Variants in PDK1 observed in about 807,000 individuals in gnomAD.
PDK1 encodes pyruvate dehydrogenase kinase 1, also known as [Pyruvate dehydrogenase (acetyl-transferring)] kinase isozyme 1, mitochondrial.
In PDK1, 39 loss-of-function variants were observed where a neutral mutation model predicts 54.2. The ratio of observed to expected loss-of-function variants is 0.72; its 90% CI spans 0.56 to 0.94. The LOEUF (loss-of-function observed/expected upper bound fraction) is 0.94. Ranked by LOEUF, PDK1 falls within the 40% of genes least tolerant of loss-of-function variation. The pLI is 0.00. For missense variants in PDK1, 552 were observed against 566.0 expected (o/e 0.98, Z 0.25); for synonymous variants, 221 against 207.1 (o/e 1.07, Z -0.58).
chr2:172,578,134 T>G (rs771146221), intron 8 of PDK1, among the ~76,000 whole-genome samples: 3 of 152,212 alleles, frequency 2.0e-5, no homozygotes, highest in Non-Finnish European at 4.4e-5. Flanking sequence ...TTCAGCACTT[T>G]GGAATATGTT....
chr2:172,627,159 T>C, the PDK1 span, among the ~76,000 whole-genome samples: 1 of 152,224 alleles, frequency 6.6e-6, no homozygotes, highest in African/African-American at 2.4e-5. Flanking sequence ...GAACATTGTC[T>C]GAAAGAATAG....
At chr2:172,647,943 A>G in the PDK1 span, among the ~76,000 whole-genome samples, 1 of 152,246 alleles carries the variant, frequency 6.6e-6, no homozygotes, top group Admixed American at 6.5e-5. Flanking sequence ...ACTTTGTAAT[A>G]TTCGTGCCAG....
chr2:172,686,400 A>G, the PDK1 span, among the ~76,000 whole-genome samples: 2 of 152,132 alleles, frequency 1.3e-5, no homozygotes, highest in Non-Finnish European at 2.9e-5. Flanking sequence ...AAATGCACCA[A>G]TCAGTGCTCT....
At chr2:172,658,374 C>T in the PDK1 span, among the ~76,000 whole-genome samples, 1 of 152,150 alleles carries the variant, frequency 6.6e-6, no homozygotes, top group Non-Finnish European at 1.5e-5. Flanking sequence ...ATCCTGTTAT[C>T]TTCGTAAGCT....
At chr2:172,593,112 A>G in intron 10 of PDK1, 64 bp downstream of exon 10, 1 of 844,332 alleles carries the variant, frequency 1.2e-6, no homozygotes, top group South Asian at 1.5e-5. Context: ...GTCCATACTT[A>G]ACTGTAATGA....
chr2:172,563,380 G>T (rs764076087), intron 3 of PDK1, among the ~76,000 whole-genome samples: 1 of 152,138 alleles, frequency 6.6e-6, no homozygotes, highest in African/African-American at 2.4e-5. Context: ...GTTTTGAAGC[G>T]CATTACTAAC....
In PDK1 at chr2:172,598,988, A is replaced by T. The variant is rs1691017959; in HGVS notation, c.*3019A>T. 1 of 152,134 alleles carries T rather than the reference A, an allele frequency of 6.6e-6. No individual in the cohort carries two copies. The highest frequency in any genetic ancestry group is 1.5e-5 in the Non-Finnish European group (1 of 68,002). 9.4% of individuals were successfully genotyped at this position (152,134 alleles called of 1,614,324 possible). A position where few individuals can be genotyped will look rare whatever the true frequency, so the allele number is the denominator to read the frequency against. On this transcript the variant is annotated 3_prime_UTR_variant, in exon 11 of 11. Transcript: ENST00000282077. ...TTAGATTTCCAATGTGTATATTCTA[A>T]TGGAGAAAGCAAGAGGTAGAGTTTG... is the stretch of plus-strand genomic sequence containing the variant.
At chr2:172,718,678 G>GGGAA in the PDK1 span, among the ~76,000 whole-genome samples, 1 of 152,132 alleles carries the variant, frequency 6.6e-6, no homozygotes, top group African/African-American at 2.4e-5. Context: ...AGGTCTCATG[G>GGGAA]GGAAGGCCCT....
At chr2:172,613,886 C>G in the PDK1 span, among the ~76,000 whole-genome samples, 1 of 152,090 alleles carries the variant, frequency 6.6e-6, no homozygotes, top group Admixed American at 6.5e-5. Context: ...GGAGCCCCGC[C>G]CTCCTGGGCT....
At chr2:172,561,200 C>CT (rs2149196863) in intron 2 of PDK1, among the ~76,000 whole-genome samples, 1 of 152,244 alleles carries the variant, frequency 6.6e-6, no homozygotes, top group Admixed American at 6.5e-5. Context: ...GAATATGCTG[C>CT]TTTTTGAAGC....
the PDK1 span, among the ~76,000 whole-genome samples, chr2:172,645,451 G>T: frequency 6.6e-6 from 1 of 151,792 alleles, no homozygotes; most frequent in African/African-American, 2.4e-5. Context: ...TAGAGACAGG[G>T]TTTCACCATT....
intron 8 of PDK1, among the ~76,000 whole-genome samples, chr2:172,575,690 T>A (rs1049068837): frequency 6.6e-6 from 1 of 151,854 alleles, no homozygotes; most frequent in Non-Finnish European, 1.5e-5. Flanking sequence ...GGCACGGTGG[T>A]GCGTGCCTGT....
chr2:172,595,393 C>T (rs771611715), intron 10 of PDK1, among the ~76,000 whole-genome samples: 14 of 152,070 alleles, frequency 9.2e-5, no homozygotes, highest in Non-Finnish European at 1.9e-4. Flanking sequence ...TTTTAAAGCA[C>T]AGTGACTATG....
chr2:172,573,476 GTA>G (rs750912369), intron 8 of PDK1, among the ~76,000 whole-genome samples: 1 of 150,336 alleles, frequency 6.7e-6, no homozygotes, highest in African/African-American at 2.4e-5. Flanking sequence ...ATGTATATGT[GTA>G]TATATATATA....
the PDK1 span, among the ~76,000 whole-genome samples, chr2:172,643,183 A>C: frequency 1.1e-4 from 16 of 152,304 alleles, 1 homozygote; most frequent in South Asian, 3.1e-3. Context: ...GTGTTACTGC[A>C]TTAGCTCTCA....
At chr2:172,568,598 T>G in intron 6 of PDK1, 143 bp from the exon 7 acceptor site, 1 of 622,594 alleles carries the variant, frequency 1.6e-6, no homozygotes, top group Non-Finnish European at 2.9e-6. Context: ...ACTAATACAT[T>G]GAAGAAATGG....
the PDK1 span, among the ~76,000 whole-genome samples, chr2:172,657,257 C>T: frequency 6.6e-5 from 10 of 151,214 alleles, no homozygotes; most frequent in South Asian, 1.3e-3. Context: ...AACTCCTGGG[C>T]TCAAGTGACC....
chr2:172,629,220 A>G, the PDK1 span, among the ~76,000 whole-genome samples: 144,971 of 152,232 alleles, frequency 0.95, 69,080 homozygotes, highest in East Asian at 1. Flanking sequence ...GGTGGTCCCC[A>G]GCGAGGGCCA....
chr2:172,624,988 C>CA, the PDK1 span, among the ~76,000 whole-genome samples: 198 of 138,410 alleles, frequency 1.4e-3, no homozygotes, highest in African/African-American at 1.7e-3. Context: ...AACTCCATCT[C>CA]AAAAAAAAAA....
Sources: gnomAD v4.1 joint callset for allele counts (sites outside exome capture counted in the v4.1 genomes callset) on GRCh38, gnomAD v4.1.1 for gene constraint, MANE v1.5 for transcripts, NCBI Gene and HGNC (gene_info 2026-07-23, HGNC 2026-07-21) for gene names.